The following EIF2AK4 variants were observed in gnomAD, a reference collection of about 807,000 sequenced individuals.
The protein encoded by EIF2AK4 is eukaryotic translation initiation factor 2 alpha kinase 4, also known as eIF-2-alpha kinase GCN2.
A neutral mutation model predicts 211.1 loss-of-function variants in EIF2AK4; 139 were observed. That is an observed-to-expected ratio of 0.66 (90% CI 0.57 to 0.76). The LOEUF (loss-of-function observed/expected upper bound fraction) is 0.76. EIF2AK4 is among the 30% of genes least tolerant of loss of function. The pLI, the probability that EIF2AK4 is intolerant of heterozygous loss-of-function variation, is 0.00. For missense variants in EIF2AK4, 1,664 were observed against 2,043.8 expected (o/e 0.81, Z 3.58); for synonymous variants, 710 against 751.3 (o/e 0.94, Z 0.90).
intron 35 of EIF2AK4, among the ~76,000 whole-genome samples, chr15:40,031,208 A>G (rs893337647): frequency 2.6e-5 from 4 of 152,164 alleles, no homozygotes; most frequent in East Asian, 1.9e-4. Flanking sequence ...GCACTACACT[A>G]CAGCCTGGGC....
intron 3 of EIF2AK4, among the ~76,000 whole-genome samples, chr15:39,946,198 A>G (rs1452425180): frequency 1.3e-5 from 2 of 152,248 alleles, no homozygotes; most frequent in African/African-American, 4.8e-5. Flanking sequence ...GTCTTAGCAA[A>G]GTAAATGGAA....
At chr15:39,991,744 G>A (rs1388482136) in intron 16 of EIF2AK4, 1 of 161,906 alleles carries the variant, frequency 6.2e-6, no homozygotes, top group East Asian at 1.8e-4. Flanking sequence ...CATGAGCGAG[G>A]GTGGAACATA....
At chr15:39,965,309 C>T (rs1038361506) in intron 7 of EIF2AK4, among the ~76,000 whole-genome samples, 7 of 149,734 alleles carry the variant, frequency 4.7e-5, no homozygotes, top group African/African-American at 1.5e-4. Flanking sequence ...TTTTTAGTAG[C>T]GACGGGGTTT....
At chr15:40,032,138 A>G in intron 35 of EIF2AK4, 31 bp from the exon 36 acceptor site, 1 of 1,566,590 alleles carries the variant, frequency 6.4e-7, no homozygotes, top group East Asian at 2.2e-5. Flanking sequence ...TTGGTTTAAC[A>G]TGTTCTGAAT....
Position 40,030,387 on chromosome 15 carries a change from G to A in EIF2AK4, c.4590G>A (p.Val1530=). 6.2e-7 allele frequency: 1 copy of A among 1,614,134 alleles called. No homozygotes were observed. The highest frequency in any genetic ancestry group is 8.5e-7 in the Non-Finnish European group (1 of 1,180,024). Residue 1530 remains valine, a synonymous_variant, in exon 35 of 39, where the codon GTG becomes GTA. Transcript: ENST00000263791. ...TGTTTGAAATCCATGGAGCAACAGTGGTTCCCATTGTGAGTGTGCTAGCCC... is the reference window on the plus strand; with the variant it reads ...TGTTTGAAATCCATGGAGCAACAGTAGTTCCCATTGTGAGTGTGCTAGCCC... The part of the protein sequence containing the change: ...SGLFEIHGAT[V]VPIVSVLAPE...
At chr15:39,983,518 C>T (rs2034823489) in intron 13 of EIF2AK4, among the ~76,000 whole-genome samples, 1 of 152,056 alleles carries the variant, frequency 6.6e-6, no homozygotes, top group East Asian at 1.9e-4. Context: ...TCTCAGCTCA[C>T]CACAACCTGC....
intron 34 of EIF2AK4, among the ~76,000 whole-genome samples, chr15:40,030,115 C>G (rs1222062810): frequency 6.6e-6 from 1 of 152,128 alleles, no homozygotes; most frequent in Non-Finnish European, 1.5e-5. Context: ...GCCTCCCTGC[C>G]CCTTCCACCA....
chr15:39,995,634 A>T (rs1282972359), intron 18 of EIF2AK4, among the ~76,000 whole-genome samples: 2 of 151,392 alleles, frequency 1.3e-5, no homozygotes, highest in East Asian at 1.9e-4. Flanking sequence ...AGTTATCTTG[A>T]TTATTTATAT....
At chr15:39,985,383 C>T (rs4924404) in intron 13 of EIF2AK4, among the ~76,000 whole-genome samples, 26,057 of 151,948 alleles carry the variant, frequency 0.17, 2,659 homozygotes, top group East Asian at 0.42. Context: ...GGGAGGAGTC[C>T]CTCTTTTTCT....
chr15:40,011,321 G>A lies in EIF2AK4; in HGVS notation c.3734G>A (p.Cys1245Tyr). ...LTRREVEAKF[C>Y]NLSLSSNSLC... is the part of the protein sequence containing the mutation. The stretch of plus-strand genomic sequence containing the variant: ...AGGAGAGAAGTGGAAGCTAAATTTT[G>A]TAATCTGTCTTTGTCTTCTAATAGT... Residue 1245 changes from cysteine to tyrosine, a missense_variant, in exon 27 of 39, where the codon TGT becomes TAT. Cys to Tyr is a radical substitution (Grantham distance 194). Coordinates refer to ENST00000263791, the MANE Select transcript of EIF2AK4 (RefSeq NM_001013703.4). 6.2e-7 allele frequency: 1 copy of A among 1,613,478 alleles called. No individual in the cohort carries two copies. The highest frequency in any genetic ancestry group is 8.5e-7 in the Non-Finnish European group (1 of 1,179,636).
At chr15:39,997,962 T>C (rs570807710) in intron 19 of EIF2AK4, among the ~76,000 whole-genome samples, 2 of 152,232 alleles carry the variant, frequency 1.3e-5, no homozygotes, top group Non-Finnish European at 1.5e-5. Flanking sequence ...ACACGATAAC[T>C]AGAATGCAGT....
At chr15:40,022,639 G>A (rs1181927256) in intron 32 of EIF2AK4, 34 bp downstream of exon 32, 3 of 1,600,328 alleles carry the variant, frequency 1.9e-6, no homozygotes, top group Non-Finnish European at 2.6e-6. Flanking sequence ...CAATTCAATA[G>A]TTAGGTGTTA....
chr15:39,955,867 GTCTTAATAACTTTTTTCAAACCTTATATA>G, intron 6 of EIF2AK4, 99 bp downstream of exon 6: 3 of 1,346,494 alleles, frequency 2.2e-6, no homozygotes, highest in Non-Finnish European at 3.0e-6. Context: ...TCAGGCGATA[GTCTTAATAACTTTTTTCAAACCTTATATA>G]TCTTAATATA....
chr15:40,008,684 G>T (rs1433563157), intron 25 of EIF2AK4, among the ~76,000 whole-genome samples: 1 of 152,114 alleles, frequency 6.6e-6, no homozygotes, highest in South Asian at 2.1e-4. Flanking sequence ...TCTTTGCCCA[G>T]CCATGGTTTG....
intron 18 of EIF2AK4, among the ~76,000 whole-genome samples, chr15:39,994,655 G>A (rs2034995334): frequency 6.6e-6 from 1 of 152,098 alleles, no homozygotes; most frequent in South Asian, 2.1e-4. Context: ...AAAGCAATTT[G>A]CATCAAAGCA....
chr15:40,001,357 T>C, intron 21 of EIF2AK4, 133 bp downstream of exon 21: 1 of 856,746 alleles, frequency 1.2e-6, no homozygotes, highest in Non-Finnish European at 1.8e-6. Flanking sequence ...TAAAAGTACA[T>C]GCAAAATGTG....
intron 31 of EIF2AK4, 139 bp from the exon 32 acceptor site, chr15:40,022,380 T>C: frequency 1.5e-6 from 1 of 681,480 alleles, no homozygotes; most frequent in Non-Finnish European, 2.4e-6. Context: ...TTGCTTAATA[T>C]TTATATCCCC....
intron 19 of EIF2AK4, 141 bp from the exon 20 acceptor site, chr15:39,998,590 G>A (rs946858809): frequency 3.9e-5 from 24 of 619,292 alleles, no homozygotes; most frequent in Non-Finnish European, 4.0e-5. Flanking sequence ...AAGAATAAGC[G>A]TCAGGTTTCA....
intron 12 of EIF2AK4, chr15:39,977,150 C>CAA (rs111818113): frequency 1.0e-5 from 3 of 296,716 alleles, no homozygotes; most frequent in Admixed American, 5.2e-5. Flanking sequence ...AAAACAAAAA[C>CAA]AAAACAAAAC....
Sources: gnomAD v4.1 joint callset for allele counts (sites outside exome capture counted in the v4.1 genomes callset) on GRCh38, gnomAD v4.1.1 for gene constraint, MANE v1.5 for transcripts, NCBI Gene and HGNC (gene_info 2026-07-23, HGNC 2026-07-21) for gene names.